DOCK8: variants seen among roughly 807,000 people sequenced by gnomAD.
DOCK8 encodes the protein dedicator of cytokinesis protein 8.
DOCK8 carries 141 observed loss-of-function variants against 245.6 expected under a neutral mutation model. The ratio of observed to expected loss-of-function variants is 0.57; its 90% CI spans 0.50 to 0.66. DOCK8 has a LOEUF of 0.66. Ranked by LOEUF, DOCK8 falls within the 30% of genes least tolerant of loss-of-function variation. DOCK8 has a pLI of 0.00. For synonymous variants in DOCK8, 1,168 were observed against 970.2 expected (o/e 1.20, Z -3.79); for missense variants, 2,965 against 2,603.4 (o/e 1.14, Z -3.02).
chr9:442,209 T>G (rs2057115065), intron 42 of DOCK8, among the ~76,000 whole-genome samples, 200 bp downstream of exon 42: 1 of 152,254 alleles, frequency 6.6e-6, no homozygotes, highest in African/African-American at 2.4e-5. Flanking sequence ...TTTGATAGTT[T>G]TTCCCTAATA....
chr9:342,747 T>C (rs540770230), intron 14 of DOCK8, among the ~76,000 whole-genome samples: 2 of 152,254 alleles, frequency 1.3e-5, no homozygotes, highest in East Asian at 1.9e-4. Flanking sequence ...GGATTACAGG[T>C]GTGAGCCACC....
At position 443,184 on chromosome 9, in the gene DOCK8, T is replaced by C. The variant is rs553488053; in HGVS notation, c.5491-243T>C. On this transcript the variant is annotated intron_variant, in intron 42 of 47. Transcript: ENST00000432829. ...CCAGGAGATACCTCAGCAAATATAA[T>C]GATGTTAGCTGAATTAGAGGCCAAG... Among the ~76,000 whole-genome samples the C allele has an allele frequency of 4.6e-5, 7 of 152,308 alleles. No homozygotes were observed. The East Asian group carries it at 1.4e-3, about 29-fold the overall frequency.
At position 446,565 on chromosome 9, in the gene DOCK8, C is replaced by G; in HGVS notation, c.5776C>G (p.Pro1926Ala). The G allele has an allele frequency of 1.2e-6, 2 of 1,614,186 alleles. No homozygotes were observed. Among genetic ancestry groups the G allele is most frequent in the Non-Finnish European group, 1.7e-6 (2 of 1,180,034 alleles). The stretch of plus-strand genomic sequence containing the variant: ...AGTCCTGACCACTATGCACGCCTTC[C>G]CCTACATCAAGACCAGGATCAGCGT... ...NTVLTTMHAF[P>A]YIKTRISVIQ... Residue 1926 changes from proline (P) to alanine (A), a missense_variant, in exon 44 of 48, where the codon CCC (proline) becomes GCC (alanine). This residue lies in a region of DOCK8 where 2,825 missense variants were observed against 2,453.5 expected (regional missense o/e 1.15). Transcript: ENST00000432829.
intron 1 of DOCK8, among the ~76,000 whole-genome samples, chr9:247,323 C>T (rs1171684855): frequency 6.6e-6 from 1 of 152,084 alleles, no homozygotes; most frequent in Non-Finnish European, 1.5e-5. Flanking sequence ...TTCCACATTT[C>T]CTAAGTTAAT....
At chr9:333,811 T>C (rs867285932) in intron 10 of DOCK8, among the ~76,000 whole-genome samples, 1 of 152,110 alleles carries the variant, frequency 6.6e-6, no homozygotes, top group Admixed American at 6.5e-5. Flanking sequence ...TTTGGAGTTT[T>C]CCAAGGTGAC....
chr9:363,851 T>G (rs1310352245), intron 14 of DOCK8, among the ~76,000 whole-genome samples: 1 of 152,140 alleles, frequency 6.6e-6, no homozygotes, highest in Non-Finnish European at 1.5e-5. Context: ...TGCATGGGAA[T>G]GGGTGGCGGT....
intron 1 of DOCK8, among the ~76,000 whole-genome samples, chr9:229,142 C>G (rs1352079665): frequency 6.6e-6 from 1 of 152,172 alleles, no homozygotes; most frequent in Non-Finnish European, 1.5e-5. Flanking sequence ...AGAATAGAAT[C>G]AACCTATTGA....
At chr9:243,663 CT>C (rs1208688025) in intron 1 of DOCK8, among the ~76,000 whole-genome samples, 1 of 151,174 alleles carries the variant, frequency 6.6e-6, no homozygotes, top group African/African-American at 2.5e-5. Flanking sequence ...GTTTTCCCTT[CT>C]TCCCTACCTT....
intron 2 of DOCK8, among the ~76,000 whole-genome samples, chr9:279,224 C>T (rs970416746): frequency 5.3e-5 from 8 of 152,212 alleles, no homozygotes; most frequent in African/African-American, 1.4e-4. Flanking sequence ...ATGGGAAGAG[C>T]AGATTGCCAG....
rs574309003 is a variant in DOCK8 at position 390,021 on chromosome 9, A to G, written c.2875-450A>G. Among the ~76,000 whole-genome samples the G allele has an allele frequency of 4.1e-5, 6 of 147,984 alleles. No homozygotes were observed. The East Asian group carries it at 1.2e-3, about 29-fold the overall frequency. ...GGCGACAGAGTGCAGCCCTATCTCA[A>G]AAAAAAAAAAAGTTTGAGAACTGCT... On this transcript the variant is annotated intron_variant, in intron 23 of 47. Coordinates refer to ENST00000432829, the MANE Select transcript of DOCK8 (RefSeq NM_203447.4).
rs7865508 is a variant in DOCK8, at chr9:332,639, C to T, written c.1125+161C>T. Among the ~76,000 whole-genome samples the T allele has an allele frequency of 0.89, 127,615 of 144,130 alleles. 56,529 individuals carry two copies. The highest frequency in any genetic ancestry group is 0.91 in the African/African-American group (35,379 of 38,904). 94.6% of individuals were successfully genotyped at this position (144,130 alleles called of 152,430 possible). On this transcript the variant is annotated intron_variant, in intron 10 of 47. Transcript: ENST00000432829. ...AAAAGAGGAAAAGAAAACTGGTCACCGATGATGACTTTTTTTTTTTTTTTT... is the reference window on the plus strand; with the variant it reads ...AAAAGAGGAAAAGAAAACTGGTCACTGATGATGACTTTTTTTTTTTTTTTT...
chr9:274,024 G>A (rs761249584), intron 2 of DOCK8, among the ~76,000 whole-genome samples: 2 of 152,096 alleles, frequency 1.3e-5, no homozygotes, highest in Non-Finnish European at 2.9e-5. Context: ...TTACTTTAAT[G>A]CCACAGCCTT....
intron 14 of DOCK8, among the ~76,000 whole-genome samples, chr9:353,081 C>G (rs73378684): frequency 0.047 from 7,220 of 152,270 alleles, 193 homozygotes; most frequent in Admixed American, 0.079. Flanking sequence ...AGGGGACTGC[C>G]TGTCTTGGAA....
At chr9:268,564 C>T (rs963466854) in intron 1 of DOCK8, among the ~76,000 whole-genome samples, 1 of 152,178 alleles carries the variant, frequency 6.6e-6, no homozygotes, top group Non-Finnish European at 1.5e-5. Context: ...CTTTCCTGAA[C>T]ATTTTCAGAT....
intron 4 of DOCK8, among the ~76,000 whole-genome samples, chr9:292,988 G>T (rs764535235): frequency 6.6e-6 from 1 of 152,006 alleles, no homozygotes; most frequent in Admixed American, 6.6e-5. Context: ...GCAAGTTTTT[G>T]CATCTTGTTC....
chr9:430,844 A>C (rs1404705463), intron 36 of DOCK8, among the ~76,000 whole-genome samples: 1 of 152,076 alleles, frequency 6.6e-6, no homozygotes, highest in Admixed American at 6.6e-5. Context: ...GATCGGTGTC[A>C]TCTAACCTGA....
intron 4 of DOCK8, among the ~76,000 whole-genome samples, chr9:292,025 G>A (rs1163737694): frequency 2.3e-5 from 3 of 130,196 alleles, no homozygotes; most frequent in African/African-American, 8.7e-5. Context: ...AGTGACGATT[G>A]CACCACTGCA....
In DOCK8 at chr9:429,728, G is replaced by A; in HGVS notation, c.4500G>A (p.Glu1500=). 1 of 1,614,162 alleles carries A rather than the reference G, an allele frequency of 6.2e-7. No homozygotes were observed. Among genetic ancestry groups the A allele is most frequent in the Non-Finnish European group, 8.5e-7 (1 of 1,180,032 alleles). ...TTGGAGACTTACTCTTTGAAGAGGA[G>A]GTGGAACAGTGTTTCGACCTATGTC... The part of the protein sequence containing the change: ...AKFGDLLFEE[E]VEQCFDLCHQ... Residue 1500 remains glutamate, a synonymous_variant, in exon 36 of 48, where the codon GAG becomes GAA. Coordinates refer to ENST00000432829, the MANE Select transcript of DOCK8 (RefSeq NM_203447.4).
In DOCK8 at chr9:441,435, C is replaced by A. The variant is rs774632680; in HGVS notation, c.5355+18C>A. ...TTAACAAGGTAGCCGGGGAGCCTGG[C>A]TGGCAGGTCTTGTTACCTGGTGGCA... is the stretch of plus-strand genomic sequence containing the variant. On this transcript the variant is annotated intron_variant, in intron 41 of 47. Coordinates refer to ENST00000432829, the MANE Select transcript of DOCK8 (RefSeq NM_203447.4). The A allele has an allele frequency of 4.3e-6, 7 of 1,614,102 alleles. No homozygotes were observed. The East Asian group carries it at 1.6e-4, about 36-fold the overall frequency.
Sources: gnomAD v4.1 joint callset for allele counts (sites outside exome capture counted in the v4.1 genomes callset) on GRCh38, gnomAD v4.1.1 for gene constraint, gnomAD v4.1.1 regional missense constraint, MANE v1.5 for transcripts, NCBI Gene and HGNC (gene_info 2026-07-23, HGNC 2026-07-21) for gene names.